PLCE1: variants seen among roughly 807,000 people sequenced by gnomAD.
The protein encoded by PLCE1 is 1-phosphatidylinositol 4,5-bisphosphate phosphodiesterase epsilon-1.
Under a neutral mutation model 242.8 loss-of-function variants are expected in PLCE1, and 119 were observed. The ratio of observed to expected loss-of-function variants is 0.49; its 90% CI spans 0.42 to 0.57. The LOEUF (loss-of-function observed/expected upper bound fraction) is 0.57, where lower values mean the gene tolerates loss of function less well. PLCE1 is among the 20% of genes least tolerant of loss of function. PLCE1 has a pLI of 0.00. For synonymous variants in PLCE1, 945 were observed against 1,017.4 expected, an observed-to-expected ratio of 0.93 and a Z score of 1.35; for missense variants, 2,441 against 2,788.8, an observed-to-expected ratio of 0.88 and a Z score of 2.81.
At position 94,317,948 on chromosome 10, in the gene PLCE1, C is replaced by T. The variant is rs77616668; in HGVS notation, c.6342+1192C>T. 4.4e-3 allele frequency among the ~76,000 whole-genome samples: 677 copies of T among 152,258 alleles called. 6 individuals carry two copies. Among genetic ancestry groups the T allele is most frequent in the African/African-American group, 0.016 (650 of 41,526 alleles). ...TGCTCCTTTGGGGCATGTAATAGTG[C>T]TTGCCTGATAGAAGGTGCCTCAGGC... On this transcript the variant is annotated intron_variant, in intron 29 of 32. Coordinates refer to ENST00000371380, the MANE Select transcript of PLCE1 (RefSeq NM_016341.4).
In PLCE1 at chr10:94,258,777, T is replaced by C. The variant is rs780303459; in HGVS notation, c.3555-23T>C. On this transcript the variant is annotated intron_variant, in intron 11 of 32. Transcript: ENST00000371380. The stretch of plus-strand genomic sequence containing the variant: ...CAACAGTGGCCTGCCCTTGTGCCCA[T>C]GAAGGCCTTGTCTTTGTTGCAGTGC... The C allele has an allele frequency of 2.5e-6, 4 of 1,613,894 alleles. No homozygotes were observed. The East Asian group carries it at 8.9e-5, about 36-fold the overall frequency.
chr10:94,158,858 T>TTTC (rs1039433477), intron 3 of PLCE1, among the ~76,000 whole-genome samples: 2 of 143,298 alleles, frequency 1.4e-5, no homozygotes, highest in African/African-American at 5.0e-5. Context: ...CTTTTTCTTT[T>TTTC]TTTTTTTTTT....
chr10:94,034,000 C>CAGTGGA (rs916356489), intron 2 of PLCE1, among the ~76,000 whole-genome samples: 2 of 152,110 alleles, frequency 1.3e-5, no homozygotes, highest in African/African-American at 4.8e-5. Context: ...AAAAGAGGTT[C>CAGTGGA]AGTGGACTCA....
At chr10:94,220,883 G>A (rs949553072) in intron 4 of PLCE1, among the ~76,000 whole-genome samples, 1 of 152,166 alleles carries the variant, frequency 6.6e-6, no homozygotes, top group African/African-American at 2.4e-5. Flanking sequence ...GGCTGGGAGT[G>A]CACACAGGTC....
At chr10:94,127,124 A>G (rs1392020445) in intron 2 of PLCE1, among the ~76,000 whole-genome samples, 1 of 152,252 alleles carries the variant, frequency 6.6e-6, no homozygotes, top group African/African-American at 2.4e-5. Flanking sequence ...TTATGTAATT[A>G]AAATACTTAT....
intron 4 of PLCE1, among the ~76,000 whole-genome samples, chr10:94,198,813 C>T (rs2048905499): frequency 6.6e-6 from 1 of 152,074 alleles, no homozygotes; most frequent in Non-Finnish European, 1.5e-5. Flanking sequence ...TTTGGGAGGC[C>T]AAGGTGGGAG....
chr10:94,329,816 A>C lies in PLCE1; in HGVS notation c.*1873A>C, dbSNP rs566636218. 6.9e-6 allele frequency: 1 copy of C among 145,514 alleles called. No individual in the cohort carries two copies. Among genetic ancestry groups the C allele is most frequent in the Non-Finnish European group, 1.5e-5 (1 of 66,716 alleles). 9.0% of individuals were successfully genotyped at this position (145,514 alleles called of 1,614,324 possible). On this transcript the variant is annotated 3_prime_UTR_variant, in exon 33 of 33. Transcript: ENST00000371380. ...AAAAAAAAAAAAAAAAAAAAACACCATACAGCTTTCATGTCATTGAAAGTT... is the reference window on the plus strand; with the variant it reads ...AAAAAAAAAAAAAAAAAAAAACACCCTACAGCTTTCATGTCATTGAAAGTT...
intron 4 of PLCE1, among the ~76,000 whole-genome samples, chr10:94,176,807 C>CA (rs2048140584): frequency 6.6e-6 from 1 of 152,004 alleles, no homozygotes; most frequent in Non-Finnish European, 1.5e-5. Flanking sequence ...AAATATCTAC[C>CA]AAAAAAGGCA....
intron 2 of PLCE1, among the ~76,000 whole-genome samples, chr10:94,114,748 T>C (rs142644354): frequency 3.2e-5 from 4 of 125,114 alleles, no homozygotes; most frequent in African/African-American, 1.1e-4. Flanking sequence ...TTGTTGTTGT[T>C]CTTGCACAGT....
Position 94,246,242 on chromosome 10 carries a change from C to A in PLCE1, c.2717C>A (p.Ala906Glu), listed in dbSNP as rs749091097. 8.7e-6 allele frequency: 14 copies of A among 1,614,026 alleles called. No homozygotes were observed. The highest frequency in any genetic ancestry group is 1.3e-5 in the African/African-American group (1 of 74,922). The change falls in exon 8 of 33, where the codon GCA becomes GAA. Residue 906 changes from alanine (A) to glutamate (E), a missense_variant. Transcript: ENST00000371380. ...PTTASPASSK[A>E]KLGVLNNTAE... Reference sequence around the variant, plus strand: ...ACTGCCTCCCCAGCCAGCAGTAAAGCAAAACTTGGTGTACTTAATAACACA... The same window carrying A: ...ACTGCCTCCCCAGCCAGCAGTAAAGAAAAACTTGGTGTACTTAATAACACA...
intron 4 of PLCE1, among the ~76,000 whole-genome samples, chr10:94,223,638 G>T (rs544378265): frequency 2.0e-5 from 3 of 152,240 alleles, no homozygotes; most frequent in Admixed American, 2.0e-4. Context: ...GGAGTTGTGG[G>T]CATGGTCCAG....
chr10:94,216,154 T>G (rs1357844457), intron 4 of PLCE1, among the ~76,000 whole-genome samples: 1 of 152,230 alleles, frequency 6.6e-6, no homozygotes, highest in African/African-American at 2.4e-5. Flanking sequence ...ATTAAATGAA[T>G]TAATACCTGT....
At chr10:94,037,077 C>G (rs1297472915) in intron 2 of PLCE1, among the ~76,000 whole-genome samples, 2 of 152,162 alleles carry the variant, frequency 1.3e-5, no homozygotes, top group Admixed American at 1.3e-4. Flanking sequence ...AGGTCAAAAG[C>G]AGCTTCTGTA....
At chr10:94,185,287 G>A (rs1235710257) in intron 4 of PLCE1, among the ~76,000 whole-genome samples, 1 of 152,248 alleles carries the variant, frequency 6.6e-6, no homozygotes, top group Non-Finnish European at 1.5e-5. Flanking sequence ...CTGAGATCAG[G>A]AGTTTGAGAC....
chr10:94,221,788 C>T (rs1022993956), intron 4 of PLCE1, among the ~76,000 whole-genome samples: 1 of 152,148 alleles, frequency 6.6e-6, no homozygotes, highest in African/African-American at 2.4e-5. Context: ...TCTAGACTTT[C>T]ATTATATTTT....
intron 2 of PLCE1, among the ~76,000 whole-genome samples, chr10:94,127,440 G>A (rs933140219): frequency 1.1e-4 from 16 of 152,174 alleles, no homozygotes; most frequent in African/African-American, 3.6e-4. Context: ...CCGCAATCTA[G>A]TTCAGGCTTC....
chr10:94,068,533 A>G (rs1175089794), intron 2 of PLCE1, among the ~76,000 whole-genome samples: 1 of 152,210 alleles, frequency 6.6e-6, no homozygotes, highest in African/African-American at 2.4e-5. Context: ...GCAAATAGCC[A>G]TTTTATATAA....
In PLCE1 at chr10:94,332,495, ATGTGTGTGCCTGTGTG is replaced by A. The variant is rs962234860; in HGVS notation, c.*4561_*4576del. 7.7e-6 allele frequency: 1 copy of A among 130,346 alleles called. No homozygotes were observed. The highest frequency in any genetic ancestry group is 1.6e-5 in the Non-Finnish European group (1 of 62,950). 8.1% of individuals were successfully genotyped at this position (130,346 alleles called of 1,614,324 possible). A position where few individuals can be genotyped will look rare whatever the true frequency, so the allele number is the denominator to read the frequency against. ...CTGTAGCTTAATATAGCCTCAGGAT[ATGTGTGTGCCTGTGTG>A]TGTGTGTGTGTGTGTGTGTGTGTGT... On this transcript the variant is annotated 3_prime_UTR_variant, in exon 33 of 33. Transcript: ENST00000371380.
intron 1 of PLCE1, among the ~76,000 whole-genome samples, chr10:94,019,704 A>G (rs2061343891): frequency 6.6e-6 from 1 of 152,218 alleles, no homozygotes; most frequent in African/African-American, 2.4e-5. Context: ...CTTAATTTAA[A>G]TTTAAATAAC....
Sources: allele counts gnomAD v4.1 joint callset (sites outside exome capture counted in the v4.1 genomes callset), GRCh38; gene constraint gnomAD v4.1.1; transcripts MANE v1.5; gene names NCBI Gene and HGNC (gene_info 2026-07-23, HGNC 2026-07-21).